Variants in RPP14 observed in about 807,000 individuals in gnomAD.
RPP14 encodes ribonuclease P/MRP subunit p14.
Under a neutral mutation model 17.8 loss-of-function variants are expected in RPP14, and 19 were observed. The ratio of observed to expected loss-of-function variants is 1.07; its 90% CI spans 0.74 to 1.57. The LOEUF is 1.57. Ranked by LOEUF, RPP14 falls within the 40% of genes most tolerant of loss-of-function variation. The pLI is 0.00. For missense variants in RPP14, 125 were observed against 140.8 expected, an observed-to-expected ratio of 0.89 and a Z score of 0.57; for synonymous variants, 60 against 56.4, an observed-to-expected ratio of 1.06 and a Z score of -0.29.
intron 3 of RPP14, among the ~76,000 whole-genome samples, chr3:58,311,618 A>G (rs1336111072): frequency 6.6e-6 from 1 of 151,362 alleles, no homozygotes; most frequent in African/African-American, 2.4e-5. Context: ...ATTGTAATAT[A>G]TACCACTTTT....
At chr3:58,312,174 A>G (rs1423940254) in intron 3 of RPP14, among the ~76,000 whole-genome samples, 1 of 151,686 alleles carries the variant, frequency 6.6e-6, no homozygotes, top group East Asian at 1.9e-4. Flanking sequence ...TTTTTGGGAA[A>G]CCTCCATACT....
intron 3 of RPP14, among the ~76,000 whole-genome samples, chr3:58,312,970 A>G (rs1342654544): frequency 7.1e-6 from 1 of 141,438 alleles, no homozygotes; most frequent in Non-Finnish European, 1.5e-5. Flanking sequence ...CAAAAAAAAA[A>G]AAAAAAAAAA....
intron 1 of RPP14, chr3:58,307,846 A>G (rs2097477200): frequency 6.6e-6 from 1 of 151,498 alleles, no homozygotes; most frequent in African/African-American, 2.4e-5. Flanking sequence ...TGCAGAGGGC[A>G]GTGCTGTCAT....
At chr3:58,312,924 G>T (rs1426236130) in intron 3 of RPP14, among the ~76,000 whole-genome samples, 5 of 141,602 alleles carry the variant, frequency 3.5e-5, no homozygotes, top group Admixed American at 1.5e-4. Context: ...TCACGCCACT[G>T]CATTCCAGCC....
rs34820106 is a variant in RPP14 at position 58,318,495 on chromosome 3, CAA to C, written c.*1019_*1020del. 18 of 83,860 alleles carry C rather than the reference CAA, an allele frequency of 2.1e-4. No individual in the cohort carries two copies. The highest frequency in any genetic ancestry group is 4.9e-4 in the South Asian group (1 of 2,052). 5.2% of individuals were successfully genotyped at this position (83,860 alleles called of 1,614,324 possible). A position where few individuals can be genotyped will look rare whatever the true frequency, so the allele number is the denominator to read the frequency against. The stretch of plus-strand genomic sequence containing the variant: ...CAACATGGTGAAACCCCATCTCTAC[CAA>C]AAAAAAAAAAAAAAAAAAAGTGCAA... On this transcript the variant is annotated 3_prime_UTR_variant, in exon 6 of 6. Coordinates refer to ENST00000295959, the MANE Select transcript of RPP14 (RefSeq NM_007042.6).
At chr3:58,315,328 G>C (rs1488657105) in intron 3 of RPP14, among the ~76,000 whole-genome samples, 2 of 151,422 alleles carry the variant, frequency 1.3e-5, no homozygotes, top group South Asian at 4.2e-4. Context: ...GAAGACTCTT[G>C]AAATACTATA....
chr3:58,316,463 A>T, intron 3 of RPP14, 52 bp from the exon 4 acceptor site: 1 of 1,500,302 alleles, frequency 6.7e-7, no homozygotes, highest in Non-Finnish European at 9.3e-7. Context: ...GTTGACAAGC[A>T]TTCAAGAATA....
intron 3 of RPP14, among the ~76,000 whole-genome samples, chr3:58,311,304 G>A (rs150324744): frequency 0.017 from 2,539 of 152,202 alleles, 74 homozygotes; most frequent in African/African-American, 0.058. Context: ...ACAGGCACAC[G>A]CTACCATGCC....
In RPP14 at chr3:58,314,342, C is replaced by T. The variant is rs1391619909; in HGVS notation, c.163-2173C>T. The stretch of plus-strand genomic sequence containing the variant: ...CTCCAGCCAGGGTGACAGAGAGAGA[C>T]TCTGTCTCAAAAAAATAATAGTAAT... On this transcript the variant is annotated intron_variant, in intron 3 of 5. Coordinates refer to ENST00000295959, the MANE Select transcript of RPP14 (RefSeq NM_007042.6). 1.3e-5 allele frequency among the ~76,000 whole-genome samples: 2 copies of T among 152,100 alleles called. 1 individual carries two copies. The highest frequency in any genetic ancestry group is 2.9e-5 in the Non-Finnish European group (2 of 68,030).
Position 58,317,791 on chromosome 3 carries a change from A to G in RPP14, c.*295A>G. ...TGATGTGGCTACCTTCTCAGAATTA[A>G]CAGGGGATGTCAATCCTTTGCATTT... On this transcript the variant is annotated 3_prime_UTR_variant, in exon 6 of 6. Coordinates refer to ENST00000295959, the MANE Select transcript of RPP14 (RefSeq NM_007042.6). 1.4e-6 allele frequency: 1 copy of G among 703,084 alleles called. No homozygotes were observed. The highest frequency in any genetic ancestry group is 2.6e-6 in the Non-Finnish European group (1 of 385,002). 43.6% of individuals were successfully genotyped at this position (703,084 alleles called of 1,614,324 possible). A position where few individuals can be genotyped will look rare whatever the true frequency, so the allele number is the denominator to read the frequency against.
intron 3 of RPP14, among the ~76,000 whole-genome samples, 175 bp downstream of exon 3, chr3:58,310,766 C>T (rs2097481325): frequency 6.6e-6 from 1 of 151,972 alleles, no homozygotes; most frequent in African/African-American, 2.4e-5. Context: ...CCCATCTGTA[C>T]TAAAACTGCA....
rs2097488475 is a variant in RPP14, at chr3:58,316,556, G to C, written c.204G>C (p.Glu68Asp). The change falls in exon 4 of 6, where the codon GAG (glutamate) becomes GAC (aspartate). Residue 68 changes from glutamate to aspartate, a missense_variant. By Grantham distance (45) the Glu-to-Asp change is conservative. Transcript: ENST00000295959. ...ALPLDILTYE[E>D]KTLSAILRIC... ...CTTTGGACATCCTAACCTATGAAGAGAAGACCTTGTCAGCCATCTTGAGAA... is the reference window on the plus strand; with the variant it reads ...CTTTGGACATCCTAACCTATGAAGACAAGACCTTGTCAGCCATCTTGAGAA... The C allele has an allele frequency of 6.2e-7, 1 of 1,614,120 alleles. No homozygotes were observed. Among genetic ancestry groups the C allele is most frequent in the Non-Finnish European group, 8.5e-7 (1 of 1,179,986 alleles).
Position 58,318,157 on chromosome 3 carries a change from G to C in RPP14, c.*661G>C. The C allele has an allele frequency of 1.6e-6, 1 of 615,360 alleles. No homozygotes were observed. The highest frequency in any genetic ancestry group is 2.9e-6 in the Non-Finnish European group (1 of 347,594). The allele number at this position is 615,360 out of a possible 1,614,324, so 38.1% of individuals were successfully genotyped here. A position where few individuals can be genotyped will look rare whatever the true frequency, so the allele number is the denominator to read the frequency against. ...TAAAGATGCAACCTCAAACACCAAT[G>C]CTGTTGTTAAAGAGCCTATGGGGAA... On this transcript the variant is annotated 3_prime_UTR_variant, in exon 6 of 6. Coordinates refer to ENST00000295959, the MANE Select transcript of RPP14 (RefSeq NM_007042.6).
At chr3:58,310,099 C>CT in intron 1 of RPP14, 1 of 532,970 alleles carries the variant, frequency 1.9e-6, no homozygotes, top group Non-Finnish European at 3.4e-6. Context: ...ACTCAGGAGT[C>CT]TGAGGCAGGA....
At position 58,318,043 on chromosome 3, in the gene RPP14, T is replaced by C; in HGVS notation, c.*547T>C. 2.9e-6 allele frequency: 2 copies of C among 699,600 alleles called. No homozygotes were observed. Among genetic ancestry groups the C allele is most frequent in the Non-Finnish European group, 5.2e-6 (2 of 384,214 alleles). 43.3% of individuals were successfully genotyped at this position (699,600 alleles called of 1,614,324 possible). A position where few individuals can be genotyped will look rare whatever the true frequency, so the allele number is the denominator to read the frequency against. On this transcript the variant is annotated 3_prime_UTR_variant, in exon 6 of 6. Transcript: ENST00000295959. ...GTTCATTGCTATTATTGCAGTGTCA[T>C]GTTCTGTAATAGAAAGTAAAAAGAC...
chr3:58,316,433 A>T (rs191569433), intron 3 of RPP14, 82 bp from the exon 4 acceptor site: 19 of 1,310,744 alleles, frequency 1.4e-5, no homozygotes, highest in Non-Finnish European at 2.1e-5. Context: ...GAAAAGCTCA[A>T]AACTCATTTG....
rs1245681163 is a variant in RPP14 at position 58,317,907 on chromosome 3, T to C, written c.*411T>C. The stretch of plus-strand genomic sequence containing the variant: ...GACTTATCTCAGCTCTCCTAGGAAC[T>C]AAAATGCCAGGGCCAGGCTGTGTAT... On this transcript the variant is annotated 3_prime_UTR_variant, in exon 6 of 6. Coordinates refer to ENST00000295959, the MANE Select transcript of RPP14 (RefSeq NM_007042.6). The C allele has an allele frequency of 5.7e-6, 4 of 702,884 alleles. No individual in the cohort carries two copies. The East Asian group carries it at 1.1e-4, about 19-fold the overall frequency. The allele number at this position is 702,884 out of a possible 1,614,324, so 43.5% of individuals were successfully genotyped here. A position where few individuals can be genotyped will look rare whatever the true frequency, so the allele number is the denominator to read the frequency against.
intron 1 of RPP14, among the ~76,000 whole-genome samples, chr3:58,306,960 T>C (rs1157584914): frequency 2.0e-5 from 3 of 152,030 alleles, no homozygotes; most frequent in African/African-American, 7.2e-5. Context: ...TGGGGTGCGG[T>C]GTTAGCCGAG....
Position 58,308,493 on chromosome 3 carries a change from A to G in RPP14, c.-21-1816A>G, listed in dbSNP as rs186643330. Among the ~76,000 whole-genome samples, 844 of 151,770 alleles carry G rather than the reference A, an allele frequency of 5.6e-3. 10 individuals are homozygous for G. The highest frequency in any genetic ancestry group is 0.019 in the African/African-American group (804 of 41,364). ...TTTTTTTTAGTGACAGGGTCTCACT[A>G]TGTTTCCCAGGCTGGTCTCAAACTC... On this transcript the variant is annotated intron_variant, in intron 1 of 5. Transcript: ENST00000295959.
Sources: allele counts gnomAD v4.1 joint callset (sites outside exome capture counted in the v4.1 genomes callset), GRCh38; gene constraint gnomAD v4.1.1; transcripts MANE v1.5; gene names NCBI Gene and HGNC (gene_info 2026-07-23, HGNC 2026-07-21).